Variants in ADGRL3 observed in about 807,000 individuals in gnomAD.
ADGRL3 encodes adhesion G protein-coupled receptor L3.
Under a neutral mutation model 153.5 loss-of-function variants are expected in ADGRL3, and 62 were observed. The ratio of observed to expected loss-of-function variants is 0.40; its 90% CI spans 0.33 to 0.50. ADGRL3 has a LOEUF of 0.50. ADGRL3 is among the 20% of genes least tolerant of loss of function. ADGRL3 has a pLI of 0.47. For missense variants in ADGRL3, 1,641 were observed against 1,859.4 expected (o/e 0.88, Z 2.16); for synonymous variants, 710 against 672.5 (o/e 1.06, Z -0.86).
chr4:61,510,984 C>T (rs2098460625), intron 3 of ADGRL3, among the ~76,000 whole-genome samples: 1 of 152,064 alleles, frequency 6.6e-6, no homozygotes, highest in Non-Finnish European at 1.5e-5. Flanking sequence ...TTTCACCCCC[C>T]TGATTAGATG....
At chr4:61,606,577 G>T (rs538607098) in intron 5 of ADGRL3, among the ~76,000 whole-genome samples, 1 of 152,114 alleles carries the variant, frequency 6.6e-6, no homozygotes, top group South Asian at 2.1e-4. Flanking sequence ...CCTATTGGAC[G>T]AGGGTCCCAT....
intron 1 of ADGRL3, among the ~76,000 whole-genome samples, chr4:61,321,318 G>A (rs114467841): frequency 1.4e-4 from 21 of 152,068 alleles, no homozygotes; most frequent in South Asian, 1.2e-3. Context: ...TAGTCCCAGC[G>A]TTTCCTCTTA....
intron 2 of ADGRL3, among the ~76,000 whole-genome samples, chr4:61,482,697 C>T (rs921954414): frequency 1.3e-5 from 2 of 151,996 alleles, no homozygotes; most frequent in African/African-American, 4.8e-5. Context: ...AGCCATTAAA[C>T]CATTTTAGGA....
In ADGRL3 at chr4:62,078,171, A is replaced by G. The variant is rs1008278856; in HGVS notation, c.*7263A>G. 3.3e-5 allele frequency: 5 copies of G among 151,960 alleles called. No homozygotes were observed. Among genetic ancestry groups the G allele is most frequent in the African/African-American group, 1.2e-4 (5 of 41,440 alleles). The allele number at this position is 151,960 out of a possible 1,614,324, so 9.4% of individuals were successfully genotyped here. A position where few individuals can be genotyped will look rare whatever the true frequency, so the allele number is the denominator to read the frequency against. ...CTTTGGTCGCTTAGGATTCTCATAT[A>G]TTTACACATGGCATTATTCTTTTCA... On this transcript the variant is annotated 3_prime_UTR_variant, in exon 27 of 27. Coordinates refer to ENST00000683033, the MANE Select transcript of ADGRL3 (RefSeq NM_001387552.1).
chr4:61,472,122 A>T (rs971584166), intron 2 of ADGRL3, among the ~76,000 whole-genome samples: 1 of 152,114 alleles, frequency 6.6e-6, no homozygotes, highest in African/African-American at 2.4e-5. Context: ...AACACTGATT[A>T]ATAGGAAAAC....
intron 5 of ADGRL3, among the ~76,000 whole-genome samples, chr4:61,632,921 TA>T (rs1402388744): frequency 6.6e-6 from 1 of 152,202 alleles, no homozygotes; most frequent in Non-Finnish European, 1.5e-5. Context: ...ATAACACTGA[TA>T]ACTTTTAAAG....
chr4:61,573,621 T>G, intron 4 of ADGRL3, among the ~76,000 whole-genome samples: 1 of 152,110 alleles, frequency 6.6e-6, no homozygotes, highest in South Asian at 2.1e-4. Context: ...AGAAATCCAT[T>G]AATTCATATT....
chr4:61,838,710 T>A (rs1312450724), intron 9 of ADGRL3, among the ~76,000 whole-genome samples: 4 of 152,166 alleles, frequency 2.6e-5, no homozygotes, highest in Non-Finnish European at 5.9e-5. Context: ...ATTTCTCCGG[T>A]TGAAAGTAAA....
intron 15 of ADGRL3, 96 bp from the exon 16 acceptor site, chr4:61,946,818 G>A (rs2150300359): frequency 1.1e-6 from 1 of 912,298 alleles, no homozygotes; most frequent in African/African-American, 1.7e-5. Context: ...GATTTTTTGT[G>A]TGAATACATA....
intron 9 of ADGRL3, among the ~76,000 whole-genome samples, chr4:61,877,496 A>G (rs1216035520): frequency 6.6e-6 from 1 of 151,980 alleles, no homozygotes; most frequent in East Asian, 1.9e-4. Flanking sequence ...AAATCTGTAC[A>G]TGAGATAAAA....
chr4:61,369,301 T>G (rs2096472402), intron 1 of ADGRL3, among the ~76,000 whole-genome samples: 1 of 152,224 alleles, frequency 6.6e-6, no homozygotes, highest in Non-Finnish European at 1.5e-5. Flanking sequence ...CATCCCTGTC[T>G]TATGCCAGTT....
intron 5 of ADGRL3, among the ~76,000 whole-genome samples, chr4:61,594,917 T>TA (rs1182381180): frequency 2.6e-5 from 4 of 152,126 alleles, no homozygotes; most frequent in Admixed American, 1.3e-4. Flanking sequence ...TCCTTCCTCT[T>TA]ACTATGGCTG....
intron 1 of ADGRL3, among the ~76,000 whole-genome samples, chr4:61,341,456 T>G (rs1350230107): frequency 1.3e-5 from 2 of 151,592 alleles, no homozygotes; most frequent in Admixed American, 6.6e-5. Context: ...AAGTGATTTA[T>G]CATATATTTT....
At chr4:61,250,052 C>G (rs1560383998) in intron 1 of ADGRL3, among the ~76,000 whole-genome samples, 1 of 152,108 alleles carries the variant, frequency 6.6e-6, no homozygotes, top group Non-Finnish European at 1.5e-5. Context: ...TTGGTGTCTC[C>G]TTGCATTGTC....
intron 4 of ADGRL3, among the ~76,000 whole-genome samples, chr4:61,531,369 T>C (rs1015259746): frequency 6.6e-6 from 1 of 152,166 alleles, no homozygotes; most frequent in East Asian, 1.9e-4. Context: ...TTCTGGGCTT[T>C]GTAGAAGCTG....
chr4:61,706,754 T>C (rs1381872113), intron 6 of ADGRL3, among the ~76,000 whole-genome samples: 1 of 152,174 alleles, frequency 6.6e-6, no homozygotes, highest in African/African-American at 2.4e-5. Flanking sequence ...TTCTATCCAG[T>C]TCACTAAAAC....
At chr4:61,665,112 T>C (rs1321516884) in intron 5 of ADGRL3, among the ~76,000 whole-genome samples, 2 of 152,196 alleles carry the variant, frequency 1.3e-5, no homozygotes, top group African/African-American at 4.8e-5. Context: ...ATATTCTTAC[T>C]CTTTAAATGG....
intron 2 of ADGRL3, among the ~76,000 whole-genome samples, chr4:61,444,322 CA>C (rs1404584067): frequency 1.3e-5 from 2 of 152,134 alleles, no homozygotes; most frequent in Non-Finnish European, 2.9e-5. Flanking sequence ...GTCTTCTTGC[CA>C]AACTTTTGGA....
At chr4:61,412,865 G>A (rs2097103766) in intron 2 of ADGRL3, among the ~76,000 whole-genome samples, 2 of 152,028 alleles carry the variant, frequency 1.3e-5, no homozygotes, top group South Asian at 4.2e-4. Flanking sequence ...TATGATGATT[G>A]CTTTAAAAAT....
Sources: gnomAD v4.1 joint callset for allele counts (sites outside exome capture counted in the v4.1 genomes callset) on GRCh38, gnomAD v4.1.1 for gene constraint, MANE v1.5 for transcripts, NCBI Gene and HGNC (gene_info 2026-07-23, HGNC 2026-07-21) for gene names.